The following TBCD variants were observed in gnomAD, a reference collection of about 807,000 sequenced individuals.
The protein encoded by TBCD is tubulin-specific chaperone D.
A neutral mutation model predicts 169.3 loss-of-function variants in TBCD; 105 were observed. The ratio of observed to expected loss-of-function variants is 0.62; its 90% confidence interval spans 0.53 to 0.73. TBCD has a LOEUF of 0.73. TBCD is among the 30% of genes least tolerant of loss of function. The pLI, the probability that TBCD is intolerant of heterozygous loss-of-function variation, is 0.00. For synonymous variants in TBCD, 700 were observed against 643.9 expected (o/e 1.09, Z -1.32); for missense variants, 1,444 against 1,600.1 (o/e 0.90, Z 1.66).
At chr17:82,882,876 C>T (rs890011291) in intron 14 of TBCD, among the ~76,000 whole-genome samples, 12 of 152,116 alleles carry the variant, frequency 7.9e-5, no homozygotes, top group Non-Finnish European at 7.3e-5. Flanking sequence ...CTCACACACA[C>T]GCCCCGGAAG....
chr17:82,791,242 C>T (rs545801895), intron 7 of TBCD, among the ~76,000 whole-genome samples: 2 of 152,174 alleles, frequency 1.3e-5, no homozygotes, highest in African/African-American at 4.8e-5. Flanking sequence ...CAGGCACCCT[C>T]CACCACGCCT....
At chr17:82,761,889 C>A (rs1343788964) in intron 2 of TBCD, among the ~76,000 whole-genome samples, 2 of 151,314 alleles carry the variant, frequency 1.3e-5, no homozygotes, top group African/African-American at 4.9e-5. Context: ...ACACACCCAG[C>A]TAATTTTTTT....
chr17:82,913,680 T>TG (rs36030993), intron 23 of TBCD: 2 of 152,366 alleles, frequency 1.3e-5, no homozygotes, highest in Non-Finnish European at 2.9e-5. Flanking sequence ...CGGGGCCCAT[T>TG]GGGGAGGTGC....
chr17:82,855,991 C>T (rs1040744851), intron 13 of TBCD, among the ~76,000 whole-genome samples: 31 of 128,060 alleles, frequency 2.4e-4, no homozygotes, highest in Admixed American at 4.0e-4. Context: ...ACTCCCCCCC[C>T]ACTTTTTTTT....
intron 13 of TBCD, among the ~76,000 whole-genome samples, chr17:82,824,691 G>C (rs959442110): frequency 6.6e-6 from 1 of 152,172 alleles, no homozygotes; most frequent in East Asian, 1.9e-4. Context: ...GTCAGTGGAC[G>C]CTTGGGTTAT....
chr17:82,941,654 ACTGCCCACAC>A, intron 38 of TBCD, 171 bp downstream of exon 38: 1 of 639,846 alleles, frequency 1.6e-6, no homozygotes, highest in Non-Finnish European at 2.7e-6. Flanking sequence ...TTCTCTGGCC[ACTGCCCACAC>A]CTGTGGGCCC....
Position 82,900,650 on chromosome 17 carries a change from G to A in TBCD, c.1650-1G>A. 3 of 1,613,790 alleles carry A rather than the reference G, an allele frequency of 1.9e-6. No individual in the cohort carries two copies. Among genetic ancestry groups the A allele is most frequent in the Non-Finnish European group, 2.5e-6 (3 of 1,179,700 alleles). On this transcript the variant is annotated splice_acceptor_variant, in intron 17 of 38. Transcript: ENST00000355528. LOFTEE classifies it high-confidence loss of function. ...CCACCTCTCCATGCTGTCTTTTCCA[G>A]TGTGTTTATTGCCGGCTTTCCTGAG...
intron 7 of TBCD, among the ~76,000 whole-genome samples, chr17:82,792,357 G>GCGCA (rs1555684059): frequency 7.6e-5 from 11 of 145,666 alleles, no homozygotes; most frequent in Non-Finnish European, 1.5e-4. Context: ...ATACATGTGT[G>GCGCA]CACACACACA....
chr17:82,939,979 G>C (rs2062973955), intron 37 of TBCD, among the ~76,000 whole-genome samples: 1 of 152,204 alleles, frequency 6.6e-6, no homozygotes, highest in South Asian at 2.1e-4. Flanking sequence ...CGTTTACTTT[G>C]GCAGGCACAG....
At position 82,911,864 on chromosome 17, in the gene TBCD, T is replaced by C. The variant is rs2060669363; in HGVS notation, c.2038+75T>C. On this transcript the variant is annotated intron_variant, in intron 23 of 38. Transcript: ENST00000355528. Reference sequence around the variant, plus strand: ...CGTTGAGGGAGGTGTGCTCGTGGCGTGCAGGGCGGCCCATTAGCCCCCAGG... The same window carrying C: ...CGTTGAGGGAGGTGTGCTCGTGGCGCGCAGGGCGGCCCATTAGCCCCCAGG... 5 of 1,544,600 alleles carry C rather than the reference T, an allele frequency of 3.2e-6. No individual in the cohort carries two copies. In the African/African-American group the frequency reaches 5.4e-5, roughly 17 times the overall value.
chr17:82,885,279 G>A lies in TBCD; in HGVS notation c.1533+1077G>A, dbSNP rs112173078. Among the ~76,000 whole-genome samples, 568 of 152,246 alleles carry A rather than the reference G, an allele frequency of 3.7e-3. 8 individuals are homozygous for A. Among genetic ancestry groups the A allele is most frequent in the African/African-American group, 0.013 (547 of 41,532 alleles). ...GCAGTGTGTGGCCCCTGGTGAGTGG[G>A]GCCGTGCAGGTGCAGTGTTGGTTCT... is the stretch of plus-strand genomic sequence containing the variant. On this transcript the variant is annotated intron_variant, in intron 15 of 38. Coordinates refer to ENST00000355528, the MANE Select transcript of TBCD (RefSeq NM_005993.5).
intron 17 of TBCD, among the ~76,000 whole-genome samples, chr17:82,899,923 G>T (rs2082048917): frequency 6.6e-6 from 1 of 152,118 alleles, no homozygotes. Context: ...CTTTTGTGAT[G>T]TTTATGTACA....
chr17:82,808,793 T>TAA (rs2051209505), intron 11 of TBCD, among the ~76,000 whole-genome samples: 1 of 134,270 alleles, frequency 7.4e-6, no homozygotes, highest in Non-Finnish European at 1.6e-5. Flanking sequence ...GTGGAGGGGC[T>TAA]GGCAGGTGCT....
intron 13 of TBCD, among the ~76,000 whole-genome samples, chr17:82,855,520 G>T (rs1290922696): frequency 6.6e-6 from 1 of 151,806 alleles, no homozygotes; most frequent in Non-Finnish European, 1.5e-5. Context: ...TACTCACCTC[G>T]GCCTCCTGAA....
At chr17:82,784,866 C>T (rs1398575799) in intron 7 of TBCD, among the ~76,000 whole-genome samples, 7 of 152,206 alleles carry the variant, frequency 4.6e-5, no homozygotes, top group Admixed American at 4.6e-4. Context: ...TGCCGCAGCT[C>T]CCCGAACCAT....
chr17:82,823,815 T>A (rs1567838641), intron 13 of TBCD, among the ~76,000 whole-genome samples: 1 of 152,222 alleles, frequency 6.6e-6, no homozygotes, highest in Non-Finnish European at 1.5e-5. Flanking sequence ...GCTCTTTTTA[T>A]TATTAAGCAT....
chr17:82,773,854 G>A (rs1405204546), intron 6 of TBCD, among the ~76,000 whole-genome samples: 5 of 151,640 alleles, frequency 3.3e-5, no homozygotes, highest in African/African-American at 1.2e-4. Flanking sequence ...AGCCTCCCGA[G>A]TAGCTGGGAC....
chr17:82,904,950 G>A (rs1191364309), intron 19 of TBCD, among the ~76,000 whole-genome samples: 4 of 152,266 alleles, frequency 2.6e-5, no homozygotes, highest in South Asian at 2.1e-4. Context: ...TCTGATTCTC[G>A]AAAATCCGAT....
chr17:82,824,939 CT>C (rs35023165), intron 13 of TBCD, among the ~76,000 whole-genome samples: 2,310 of 149,584 alleles, frequency 0.015, 15 homozygotes, highest in African/African-American at 0.026. Flanking sequence ...AAATAAGTCT[CT>C]TTTTTTTTTC....
Sources: allele counts gnomAD v4.1 joint callset (sites outside exome capture counted in the v4.1 genomes callset), GRCh38; gene constraint gnomAD v4.1.1; transcripts MANE v1.5; gene names NCBI Gene and HGNC (gene_info 2026-07-23, HGNC 2026-07-21).